Variants in PSMA1 observed in about 807,000 individuals in gnomAD.
PSMA1 encodes proteasome subunit alpha type-1.
A neutral mutation model predicts 38.4 loss-of-function variants in PSMA1; 3 were observed. The ratio of observed to expected loss-of-function variants is 0.08; its 90% CI spans 0.04 to 0.20. The LOEUF is 0.20. Ranked by LOEUF, PSMA1 falls within the 10% of genes least tolerant of loss-of-function variation. The probability of loss-of-function intolerance (pLI) is 1.00; values close to 1 mark genes in which losing one functional copy is unlikely to be tolerated. For missense variants in PSMA1, 227 were observed against 325.3 expected, an observed-to-expected ratio of 0.70 and a Z score of 2.32; for synonymous variants, 101 against 107.1, an observed-to-expected ratio of 0.94 and a Z score of 0.35.
intron 1 of PSMA1, chr11:14,643,393 C>T (rs2133732069): frequency 6.6e-6 from 1 of 152,156 alleles, no homozygotes; most frequent in Middle Eastern, 3.4e-3. Flanking sequence ...ACCACAAACG[C>T]CCTCTTTCCC....
Position 14,558,453 on chromosome 11 carries a change from A to C in PSMA1, c.22-39412T>G, listed in dbSNP as rs191137577. ...AAAACAATAATAAATAAAAGTCACA[A>C]TCTTTGTCTACCTTCTCTCTACATT... On this transcript the variant is annotated intron_variant, in intron 2 of 10. Coordinates refer to the PSMA1 transcript ENST00000418988. Among the ~76,000 whole-genome samples, 11 of 152,128 alleles carry C rather than the reference A, an allele frequency of 7.2e-5. No individual in the cohort carries two copies. The East Asian group carries it at 2.1e-3, about 29-fold the overall frequency.
intron 2 of PSMA1, among the ~76,000 whole-genome samples, chr11:14,595,015 T>G (rs903361679): frequency 6.6e-6 from 1 of 152,180 alleles, no homozygotes; most frequent in Non-Finnish European, 1.5e-5. Context: ...ACTGTTTGAT[T>G]TTCTATCCTT....
At chr11:14,592,287 C>T (rs1189490626) in intron 2 of PSMA1, among the ~76,000 whole-genome samples, 2 of 152,166 alleles carry the variant, frequency 1.3e-5, no homozygotes, top group Non-Finnish European at 2.9e-5. Context: ...CCTTCCGCTG[C>T]TCGCTCCTCC....
At chr11:14,605,650 G>A (rs910877033) in intron 2 of PSMA1, among the ~76,000 whole-genome samples, 1 of 152,176 alleles carries the variant, frequency 6.6e-6, no homozygotes, top group African/African-American at 2.4e-5. Flanking sequence ...GCCTCCCAAA[G>A]TGCTGGGATT....
chr11:14,554,767 G>A (rs971715284), intron 2 of PSMA1, among the ~76,000 whole-genome samples: 2 of 151,940 alleles, frequency 1.3e-5, no homozygotes, highest in Admixed American at 6.6e-5. Context: ...TTTTTTTAGT[G>A]CTTATATATG....
chr11:14,560,833 T>A (rs192733490), intron 2 of PSMA1, among the ~76,000 whole-genome samples: 1 of 152,302 alleles, frequency 6.6e-6, no homozygotes, highest in East Asian at 1.9e-4. Flanking sequence ...ATTTCATTAC[T>A]CTGTCAAGCT....
At chr11:14,613,259 G>A (rs1038382285) in intron 1 of PSMA1, among the ~76,000 whole-genome samples, 17 of 146,006 alleles carry the variant, frequency 1.2e-4, no homozygotes, top group Admixed American at 3.4e-4. Flanking sequence ...TCTTGCTCCA[G>A]GGAGGCAGAG....
chr11:14,613,600 G>C (rs1285927507), intron 1 of PSMA1, among the ~76,000 whole-genome samples: 1 of 152,130 alleles, frequency 6.6e-6, no homozygotes, highest in Non-Finnish European at 1.5e-5. Flanking sequence ...ATTAAGGACA[G>C]ACTTCCATTG....
chr11:14,639,161 G>A (rs1853166850), intron 1 of PSMA1, among the ~76,000 whole-genome samples: 1 of 152,038 alleles, frequency 6.6e-6, no homozygotes, highest in East Asian at 1.9e-4. Context: ...TGTCACTTGA[G>A]TTAAAATAAA....
At chr11:14,636,303 C>T (rs1324698095) in intron 1 of PSMA1, among the ~76,000 whole-genome samples, 1 of 152,172 alleles carries the variant, frequency 6.6e-6, no homozygotes, top group African/African-American at 2.4e-5. Flanking sequence ...TTCCTGTCCT[C>T]ATCTTTTTAG....
chr11:14,574,773 G>A (rs144972963), intron 2 of PSMA1, among the ~76,000 whole-genome samples: 13 of 152,302 alleles, frequency 8.5e-5, no homozygotes, highest in African/African-American at 1.2e-4. Flanking sequence ...CCTTAGCCAT[G>A]CAGAACTGTG....
At chr11:14,633,715 T>C (rs1347695712) in intron 1 of PSMA1, among the ~76,000 whole-genome samples, 1 of 152,172 alleles carries the variant, frequency 6.6e-6, no homozygotes, top group African/African-American at 2.4e-5. Flanking sequence ...GCCTGGGCAA[T>C]GGCGGGCACC....
At position 14,517,659 on chromosome 11, in the gene PSMA1, A is replaced by G. The variant is rs754656119; in HGVS notation, c.237T>C (p.Ala79=). Residue 79 remains alanine (A), a synonymous_variant, in exon 4 of 10, where the codon GCT becomes GCC. Transcript: ENST00000396394. ...HIGISIAGLT[A]DARLLCNFMR... Reference sequence around the variant, plus strand: ...ATACTTACCATAACAGTCTAGCATCAGCAGTAAGCCCCGCAATTGAGATAC... The same window carrying G: ...ATACTTACCATAACAGTCTAGCATCGGCAGTAAGCCCCGCAATTGAGATAC... 2.5e-6 allele frequency: 4 copies of G among 1,596,918 alleles called. No individual in the cohort carries two copies. The Admixed American group carries it at 7.1e-5, about 28-fold the overall frequency.
At chr11:14,520,518 T>C (rs1851512092), upstream of PSMA1, 19 of 1,413,510 alleles carry the variant, frequency 1.3e-5, no homozygotes, top group Non-Finnish European at 1.7e-5. Context: ...TCGGAAGATC[T>C]AGGAACTGAG....
At chr11:14,514,995 C>T (rs965787185) in intron 4 of PSMA1, among the ~76,000 whole-genome samples, 4 of 152,220 alleles carry the variant, frequency 2.6e-5, no homozygotes, top group Admixed American at 1.3e-4. Flanking sequence ...AGAGGAGATA[C>T]TGGACACTAG....
At chr11:14,581,192 T>C (rs187550379) in intron 2 of PSMA1, among the ~76,000 whole-genome samples, 4 of 152,336 alleles carry the variant, frequency 2.6e-5, no homozygotes, top group Admixed American at 2.6e-4. Flanking sequence ...CTCAGCCAAT[T>C]CTGACGAAAG....
At chr11:14,538,665 C>T (rs1851737842) in intron 2 of PSMA1, among the ~76,000 whole-genome samples, 1 of 152,254 alleles carries the variant, frequency 6.6e-6, no homozygotes, top group East Asian at 1.9e-4. Flanking sequence ...CCTTCACAGG[C>T]TTCCTCCCAC....
intron 2 of PSMA1, among the ~76,000 whole-genome samples, chr11:14,556,413 T>G (rs997178582): frequency 6.6e-6 from 1 of 152,150 alleles, no homozygotes; most frequent in Non-Finnish European, 1.5e-5. Context: ...CATGAAAGGG[T>G]TTTTTCCCCT....
intron 2 of PSMA1, among the ~76,000 whole-genome samples, chr11:14,605,268 C>T (rs1852629419): frequency 6.6e-6 from 1 of 152,152 alleles, no homozygotes; most frequent in South Asian, 2.1e-4. Flanking sequence ...TGGTATATCA[C>T]TGCAGTTTTG....
Sources: gnomAD v4.1 joint callset for allele counts (sites outside exome capture counted in the v4.1 genomes callset) on GRCh38, gnomAD v4.1.1 for gene constraint, MANE v1.5 for transcripts, NCBI Gene and HGNC (gene_info 2026-07-23, HGNC 2026-07-21) for gene names.